Variants in BMPR2 observed in about 807,000 individuals in gnomAD.
BMPR2 encodes the protein bone morphogenetic protein receptor type-2.
Under a neutral mutation model 100.8 loss-of-function variants are expected in BMPR2, and 29 were observed. The observed-to-expected ratio is 0.29, with a 90% CI of 0.21 to 0.39. BMPR2 has a LOEUF of 0.39. Among genes scored for constraint, BMPR2 ranks in the 10% least tolerant of loss-of-function variants. BMPR2 has a pLI of 1.00. For missense variants in BMPR2, 1,011 were observed against 1,274.5 expected, an observed-to-expected ratio of 0.79 and a Z score of 3.15; for synonymous variants, 382 against 442.3, an observed-to-expected ratio of 0.86 and a Z score of 1.71.
At position 202,509,771 on chromosome 2, in the gene BMPR2, A is replaced by C. The variant is rs1231424466; in HGVS notation, c.419-3948A>C. 2.0e-5 allele frequency among the ~76,000 whole-genome samples: 3 copies of C among 152,034 alleles called. No homozygotes were observed. The East Asian group carries it at 5.8e-4, about 29-fold the overall frequency. On this transcript the variant is annotated intron_variant, in intron 3 of 12. Transcript: ENST00000374580. ...ATGTCCACATATTTAAGAATTAAAA[A>C]TTAGATTTTTAAAAAATAAAATTAG...
At chr2:202,454,093 A>G (rs1229710538) in intron 1 of BMPR2, among the ~76,000 whole-genome samples, 1 of 152,080 alleles carries the variant, frequency 6.6e-6, no homozygotes, top group African/African-American at 2.4e-5. Flanking sequence ...TGTTTTTGAG[A>G]CAGGGTCTCA....
At position 202,559,881 on chromosome 2, in the gene BMPR2, T is replaced by C. The variant is rs1194808585; in HGVS notation, c.3052T>C (p.Tyr1018His). 2 of 1,614,012 alleles carry C rather than the reference T, an allele frequency of 1.2e-6. No individual in the cohort carries two copies. The highest frequency in any genetic ancestry group is 1.7e-5 in the Admixed American group (1 of 60,000). ...TCATTCCAAATCCAGCACTGCTGTT[T>C]ACCTTGCAGAAGGAGGCACTGCTAC... ...AVHSKSSTAV[Y>H]LAEGGTATTM... Residue 1018 changes from tyrosine to histidine, a missense_variant, in exon 13 of 13, where the codon TAC becomes CAC. Tyr to His is a moderately conservative substitution (Grantham distance 83). Around this residue, in one of 6 missense-constraint regions of BMPR2, gnomAD observed 58 missense variants for 72.3 expected, o/e 0.80. Transcript: ENST00000374580.
intron 3 of BMPR2, among the ~76,000 whole-genome samples, chr2:202,512,961 T>C (rs188528546): frequency 3.3e-5 from 5 of 151,912 alleles, no homozygotes; most frequent in African/African-American, 1.2e-4. Flanking sequence ...AAAAAAACTT[T>C]AATTTTTTTT....
At chr2:202,528,899 A>G (rs1324897831) in intron 7 of BMPR2, among the ~76,000 whole-genome samples, 1 of 152,214 alleles carries the variant, frequency 6.6e-6, no homozygotes, top group African/African-American at 2.4e-5. Flanking sequence ...CCTTCCCAGC[A>G]TCTTCAGATA....
intron 3 of BMPR2, among the ~76,000 whole-genome samples, chr2:202,473,664 G>C (rs1456586711): frequency 6.6e-6 from 1 of 151,894 alleles, no homozygotes; most frequent in Non-Finnish European, 1.5e-5. Flanking sequence ...GGTAGTGGGC[G>C]CCTGTAATCC....
At chr2:202,541,992 T>TACA (rs1389368023) in intron 9 of BMPR2, among the ~76,000 whole-genome samples, 2 of 151,554 alleles carry the variant, frequency 1.3e-5, no homozygotes, top group Non-Finnish European at 2.9e-5. Flanking sequence ...GCGCCTGTAA[T>TACA]CCAAGCTACT....
intron 9 of BMPR2, among the ~76,000 whole-genome samples, chr2:202,535,032 T>G (rs949909070): frequency 1.1e-3 from 92 of 80,152 alleles, no homozygotes; most frequent in Admixed American, 1.8e-3. Context: ...GCCGGGCGGG[T>G]GGCTGACCCC....
intron 1 of BMPR2, among the ~76,000 whole-genome samples, chr2:202,429,352 CTA>C (rs1389440346): frequency 1.9e-3 from 2 of 1,074 alleles, no homozygotes; most frequent in Admixed American, 0.02. Flanking sequence ...TCATTTCCTA[CTA>C]CTACTCCCCC....
intron 3 of BMPR2, among the ~76,000 whole-genome samples, chr2:202,471,912 T>TTGTG (rs111523279): frequency 0.019 from 2,781 of 147,836 alleles, 36 homozygotes; most frequent in African/African-American, 0.031. Flanking sequence ...CAAAAAAAGA[T>TTGTG]TGTGTGTGTG....
chr2:202,446,648 T>G (rs1416044637), intron 1 of BMPR2, among the ~76,000 whole-genome samples: 2 of 147,254 alleles, frequency 1.4e-5, no homozygotes, highest in Non-Finnish European at 3.0e-5. Context: ...GTGCACACAC[T>G]CACATACATT....
In BMPR2 at chr2:202,559,684, T is replaced by C; in HGVS notation, c.2867-12T>C. 2 of 1,613,828 alleles carry C rather than the reference T, an allele frequency of 1.2e-6. No individual in the cohort carries two copies. The highest frequency in any genetic ancestry group is 2.2e-5 in the South Asian group (2 of 91,024). On this transcript the variant is annotated splice_polypyrimidine_tract_variant and intron_variant, in intron 12 of 12. Coordinates refer to ENST00000374580, the MANE Select transcript of BMPR2 (RefSeq NM_001204.7). ...TGTTAAATAGCTCATTTTTCTGCAC[T>C]TTTATTTTCAGTAGGTGAGTCAACA...
intron 1 of BMPR2, among the ~76,000 whole-genome samples, chr2:202,400,255 C>G (rs1437433410): frequency 6.6e-6 from 1 of 151,964 alleles, no homozygotes; most frequent in Non-Finnish European, 1.5e-5. Flanking sequence ...CATCCTCCTA[C>G]TTCAGCCTCC....
At chr2:202,437,429 A>ACCCC (rs1691637042) in intron 1 of BMPR2, among the ~76,000 whole-genome samples, 1 of 150,584 alleles carries the variant, frequency 6.6e-6, no homozygotes, top group Non-Finnish European at 1.5e-5. Flanking sequence ...TTCCATTCAT[A>ACCCC]TATACATTTT....
intron 1 of BMPR2, among the ~76,000 whole-genome samples, chr2:202,419,626 A>T (rs1691215980): frequency 1.3e-5 from 2 of 152,130 alleles, no homozygotes; most frequent in Non-Finnish European, 2.9e-5. Flanking sequence ...AAGTGCTGGG[A>T]TTACAGGCAT....
chr2:202,426,548 G>A lies in BMPR2; in HGVS notation c.77-38261G>A, dbSNP rs565159513. Among the ~76,000 whole-genome samples the A allele has an allele frequency of 3.1e-5, 4 of 130,552 alleles. No homozygotes were observed. In the East Asian group the frequency reaches 6.5e-4, roughly 21 times the overall value. 85.6% of individuals were successfully genotyped at this position (130,552 alleles called of 152,430 possible). Reference sequence around the variant, plus strand: ...TGTATCACTGCACTCCAGCCTGGGCGACAGAGCAAGTCTCCGTCTCAAAAA... The same window carrying A: ...TGTATCACTGCACTCCAGCCTGGGCAACAGAGCAAGTCTCCGTCTCAAAAA... On this transcript the variant is annotated intron_variant, in intron 1 of 12. Coordinates refer to ENST00000374580, the MANE Select transcript of BMPR2 (RefSeq NM_001204.7).
At chr2:202,471,499 T>TA (rs1309869864) in intron 3 of BMPR2, among the ~76,000 whole-genome samples, 4 of 152,212 alleles carry the variant, frequency 2.6e-5, no homozygotes, top group African/African-American at 9.6e-5. Context: ...AAATCCATGA[T>TA]ACCTAGAGAA....
intron 3 of BMPR2, among the ~76,000 whole-genome samples, chr2:202,468,133 G>A (rs1018461200): frequency 2.7e-4 from 41 of 151,942 alleles, no homozygotes; most frequent in African/African-American, 9.7e-4. Context: ...ATCCGAAAGC[G>A]ATGCACCAGG....
chr2:202,534,886 C>A lies in BMPR2; in HGVS notation c.1276+2154C>A, dbSNP rs1324952249. On this transcript the variant is annotated intron_variant, in intron 9 of 12. Coordinates refer to ENST00000374580, the MANE Select transcript of BMPR2 (RefSeq NM_001204.7). ...CCCACCTCCCTCCCGGACGGGGCGG[C>A]TGGCCGGGCGGGGGGCTGACCCCCC... Among the ~76,000 whole-genome samples the A allele has an allele frequency of 3.6e-4, 52 of 145,604 alleles. 1 individual carries two copies. Among genetic ancestry groups the A allele is most frequent in the South Asian group, 1.9e-3 (9 of 4,668 alleles).
chr2:202,473,246 A>G (rs893752601), intron 3 of BMPR2, among the ~76,000 whole-genome samples: 2 of 152,090 alleles, frequency 1.3e-5, no homozygotes, highest in Admixed American at 1.3e-4. Context: ...CAGTCTGGGC[A>G]ACATGGAGAA....
Sources: gnomAD v4.1 joint callset for allele counts (sites outside exome capture counted in the v4.1 genomes callset) on GRCh38, gnomAD v4.1.1 for gene constraint, gnomAD v4.1.1 regional missense constraint, MANE v1.5 for transcripts, NCBI Gene and HGNC (gene_info 2026-07-23, HGNC 2026-07-21) for gene names.